ADGRL2: variants seen among roughly 807,000 people sequenced by gnomAD.
ADGRL2 encodes adhesion G protein-coupled receptor L2, also known as calcium-independent alpha-latrotoxin receptor 2.
In ADGRL2, 44 loss-of-function variants were observed where a neutral mutation model predicts 157.4. The observed-to-expected ratio is 0.28, with a 90% confidence interval of 0.22 to 0.36. The LOEUF is 0.36. ADGRL2 is among the 10% of genes least tolerant of loss of function. ADGRL2 has a pLI of 1.00. For synonymous variants in ADGRL2, 585 were observed against 624.7 expected, an observed-to-expected ratio of 0.94 and a Z score of 0.95; for missense variants, 1,510 against 1,768.9, an observed-to-expected ratio of 0.85 and a Z score of 2.63.
intron 2 of ADGRL2, among the ~76,000 whole-genome samples, chr1:81,778,078 T>C (rs1219149601): frequency 1.3e-5 from 2 of 152,278 alleles, no homozygotes; most frequent in East Asian, 3.9e-4. Context: ...CCCAGCACTT[T>C]GGGAGGCTGG....
upstream of ADGRL2, among the ~76,000 whole-genome samples, chr1:81,695,867 C>G (rs775014100): frequency 6.6e-6 from 1 of 151,908 alleles, no homozygotes; most frequent in Non-Finnish European, 1.5e-5. Flanking sequence ...TGAAATTCCT[C>G]CCTGGCTGTA....
intron 2 of ADGRL2, chr1:81,501,955 G>A: frequency 1.2e-6 from 2 of 1,613,778 alleles, no homozygotes; most frequent in Non-Finnish European, 1.7e-6. Flanking sequence ...CCACAGCTGG[G>A]AGACCTTCTG....
At chr1:81,789,458 T>C (rs577807250) in intron 2 of ADGRL2, among the ~76,000 whole-genome samples, 1 of 152,118 alleles carries the variant, frequency 6.6e-6, no homozygotes, top group Non-Finnish European at 1.5e-5. Context: ...CTGGGAGCAG[T>C]AGCTCATGCC....
intron 1 of ADGRL2, among the ~76,000 whole-genome samples, chr1:81,831,388 A>T (rs951184727): frequency 6.6e-6 from 1 of 152,186 alleles, no homozygotes; most frequent in Non-Finnish European, 1.5e-5. Context: ...TCATGTAAAC[A>T]TTTTAAAAAT....
rs397980625 is a variant in ADGRL2, at chr1:81,318,928, C to CTTTTTTT, written c.-302+12443_-302+12449dup. Among the ~76,000 whole-genome samples the CTTTTTTT allele has an allele frequency of 4.4e-4, 20 of 45,830 alleles. 4 individuals carry two copies. Among genetic ancestry groups the CTTTTTTT allele is most frequent in the Admixed American group, 7.9e-4 (2 of 2,526 alleles). 30.1% of individuals were successfully genotyped at this position (45,830 alleles called of 152,430 possible). ...TTTTATCCTCCATCCTCCATCAATT[C>CTTTTTTT]TTTTTTTTTTTTTTTTTTTTTTTTT... On this transcript the variant is annotated intron_variant, in intron 1 of 24. Transcript: ENST00000370721.
intron 3 of ADGRL2, among the ~76,000 whole-genome samples, chr1:81,632,677 T>C (rs2082034661): frequency 1.3e-5 from 2 of 150,918 alleles, no homozygotes; most frequent in Non-Finnish European, 2.9e-5. Flanking sequence ...GAGAATAGCG[T>C]GAACCCGGGA....
At position 81,865,330 on chromosome 1, in the gene ADGRL2, T is replaced by A. The variant is rs1018046390; in HGVS notation, c.73+28273T>A. 2.6e-5 allele frequency among the ~76,000 whole-genome samples: 4 copies of A among 152,192 alleles called. No homozygotes were observed. The South Asian group carries it at 8.3e-4, about 31-fold the overall frequency. Reference sequence around the variant, plus strand: ...ATCTCCAGTCAGACTCCTCCTGATATAAAGATAAATGTGAAATATTAGAAC... The same window carrying A: ...ATCTCCAGTCAGACTCCTCCTGATAAAAAGATAAATGTGAAATATTAGAAC... On this transcript the variant is annotated intron_variant, in intron 2 of 23. Coordinates refer to ENST00000686636, the MANE Select transcript of ADGRL2 (RefSeq NM_001366006.2).
intron 3 of ADGRL2, among the ~76,000 whole-genome samples, chr1:81,926,821 G>A (rs1437791238): frequency 6.6e-6 from 1 of 151,880 alleles, no homozygotes; most frequent in Non-Finnish European, 1.5e-5. Context: ...TGTTGAATGT[G>A]CATTTCTGCA....
intron 2 of ADGRL2, among the ~76,000 whole-genome samples, chr1:81,455,494 G>A (rs904687295): frequency 6.6e-5 from 10 of 152,082 alleles, no homozygotes; most frequent in African/African-American, 1.7e-4. Context: ...CAGAAATCCC[G>A]GTACTGAGCT....
intron 2 of ADGRL2, among the ~76,000 whole-genome samples, chr1:81,861,999 C>T (rs541650927): frequency 7.9e-5 from 12 of 152,046 alleles, no homozygotes; most frequent in African/African-American, 2.9e-4. Flanking sequence ...TAATTACATC[C>T]GTCTTTTTTG....
chr1:81,629,058 T>C (rs1032539553), intron 3 of ADGRL2, among the ~76,000 whole-genome samples: 9 of 152,172 alleles, frequency 5.9e-5, no homozygotes, highest in Non-Finnish European at 1.3e-4. Context: ...TATCTGCCAA[T>C]AGAATTTATA....
chr1:81,386,520 A>G (rs2076438687), intron 1 of ADGRL2, among the ~76,000 whole-genome samples: 1 of 152,148 alleles, frequency 6.6e-6, no homozygotes, highest in Non-Finnish European at 1.5e-5. Flanking sequence ...CTCTGCAACA[A>G]TCTAGAAGCA....
At chr1:81,318,625 T>A (rs371141070) in intron 1 of ADGRL2, among the ~76,000 whole-genome samples, 1 of 152,190 alleles carries the variant, frequency 6.6e-6, no homozygotes, top group East Asian at 1.9e-4. Flanking sequence ...ATGATAGTAA[T>A]AATAGCAGTT....
chr1:81,371,679 A>G (rs1191230668), intron 1 of ADGRL2, among the ~76,000 whole-genome samples: 2 of 152,116 alleles, frequency 1.3e-5, no homozygotes, highest in African/African-American at 4.8e-5. Flanking sequence ...TTTTATCTTA[A>G]TTGTTTACTG....
chr1:81,447,120 G>T (rs553998894), intron 2 of ADGRL2, among the ~76,000 whole-genome samples: 1 of 152,188 alleles, frequency 6.6e-6, no homozygotes, highest in South Asian at 2.1e-4. Flanking sequence ...TGGCAAAGTA[G>T]AAGTGATATT....
At chr1:81,549,937 A>ACTTT in intron 2 of ADGRL2, among the ~76,000 whole-genome samples, 1 of 143,008 alleles carries the variant, frequency 7.0e-6, no homozygotes, top group Non-Finnish European at 1.5e-5. Flanking sequence ...ACCTGCTAAG[A>ACTTT]TAGAAAAGGG....
chr1:81,581,138 T>C (rs747430735), intron 3 of ADGRL2, among the ~76,000 whole-genome samples: 2 of 152,224 alleles, frequency 1.3e-5, no homozygotes, highest in Non-Finnish European at 2.9e-5. Flanking sequence ...AGAGGGTTGA[T>C]ACTTAAATAT....
At chr1:81,975,976 T>C (rs923669154) in intron 17 of ADGRL2, among the ~76,000 whole-genome samples, 1 of 152,056 alleles carries the variant, frequency 6.6e-6, no homozygotes, top group African/African-American at 2.4e-5. Context: ...ATTTATTCTA[T>C]CAAACTAAAA....
Position 81,992,489 on chromosome 1 carries a change from G to C in ADGRL2, c.*1344G>C, listed in dbSNP as rs1362530488. 2 of 152,334 alleles carry C rather than the reference G, an allele frequency of 1.3e-5. No homozygotes were observed. The highest frequency in any genetic ancestry group is 4.8e-5 in the African/African-American group (2 of 41,380). The allele number at this position is 152,334 out of a possible 1,614,324, so 9.4% of individuals were successfully genotyped here. ...TAACATGTTGGTCCATTCCCACCTT[G>C]GTTTAAGTAACGTCATACCAAAGTC... On this transcript the variant is annotated 3_prime_UTR_variant, in exon 24 of 24. Coordinates refer to ENST00000686636, the MANE Select transcript of ADGRL2 (RefSeq NM_001366006.2).
Sources: gnomAD v4.1 joint callset for allele counts (sites outside exome capture counted in the v4.1 genomes callset) on GRCh38, gnomAD v4.1.1 for gene constraint, MANE v1.5 for transcripts, NCBI Gene and HGNC (gene_info 2026-07-23, HGNC 2026-07-21) for gene names.